Variants in CALN1 observed in about 807,000 individuals in gnomAD.
The protein encoded by CALN1 is calneuron 1, also known as calcium-binding protein 8.
A neutral mutation model predicts 30.6 loss-of-function variants in CALN1; 17 were observed. The ratio of observed to expected loss-of-function variants is 0.56; its 90% CI spans 0.38 to 0.83. The LOEUF (loss-of-function observed/expected upper bound fraction) is 0.83, where lower values mean the gene tolerates loss of function less well. Ranked by LOEUF, CALN1 falls within the 40% of genes least tolerant of loss-of-function variation. CALN1 has a pLI of 0.00. For synonymous variants in CALN1, 156 were observed against 131.4 expected, an observed-to-expected ratio of 1.19 and a Z score of -1.28; for missense variants, 291 against 354.9, an observed-to-expected ratio of 0.82 and a Z score of 1.45.
chr7:71,948,344 A>G (rs551522931), intron 5 of CALN1, among the ~76,000 whole-genome samples: 2 of 152,248 alleles, frequency 1.3e-5, no homozygotes, highest in African/African-American at 4.8e-5. Context: ...GGGTCTTCCA[A>G]ATGCTCAGTT....
intron 5 of CALN1, among the ~76,000 whole-genome samples, chr7:71,976,004 T>C (rs988084976): frequency 9.2e-5 from 14 of 151,352 alleles, no homozygotes; most frequent in Non-Finnish European, 1.3e-4. Context: ...AAATTTGAGA[T>C]CTCGAGTACA....
At chr7:72,261,066 G>A (rs377211420) in intron 3 of CALN1, among the ~76,000 whole-genome samples, 3 of 152,328 alleles carry the variant, frequency 2.0e-5, no homozygotes, top group East Asian at 3.9e-4. Flanking sequence ...CCAGCACTTT[G>A]AGAGGCCGAG....
chr7:72,333,164 G>C (rs117175143), intron 2 of CALN1, among the ~76,000 whole-genome samples: 1 of 152,030 alleles, frequency 6.6e-6, no homozygotes, highest in African/African-American at 2.4e-5. Context: ...AGCTAACCAC[G>C]TCCTAATCAT....
At chr7:71,953,885 A>G (rs1210351711) in intron 5 of CALN1, among the ~76,000 whole-genome samples, 2 of 152,200 alleles carry the variant, frequency 1.3e-5, no homozygotes, top group Middle Eastern at 3.4e-3. Flanking sequence ...AAATGTCTTC[A>G]TAGACAGGGA....
At chr7:72,044,079 C>A (rs534775218) in intron 4 of CALN1, among the ~76,000 whole-genome samples, 3 of 152,076 alleles carry the variant, frequency 2.0e-5, no homozygotes, top group Admixed American at 1.3e-4. Flanking sequence ...CCTCCCACAA[C>A]ACGCGGGAAT....
In CALN1 at chr7:72,391,536, A is replaced by G. The variant is rs142010770; in HGVS notation, c.119+11715T>C. ...CCTGATATAATTTGGCTATGTCCCC[A>G]CCCAAATCTCATCTTGAATTGTAGC... is the stretch of plus-strand genomic sequence containing the variant. On this transcript the variant is annotated intron_variant, in intron 2 of 6. Coordinates refer to ENST00000395275, the MANE Select transcript of CALN1 (RefSeq NM_031468.4). Among the ~76,000 whole-genome samples, 120 of 152,240 alleles carry G rather than the reference A, an allele frequency of 7.9e-4. 1 individual carries two copies. In the East Asian group the frequency reaches 0.022, roughly 28 times the overall value.
chr7:72,171,049 C>T lies in CALN1; in HGVS notation c.245-64755G>A, dbSNP rs142583775. On this transcript the variant is annotated intron_variant, in intron 3 of 6. Transcript: ENST00000395275. ...GTGTATGCCTATAGTCCCAACCACTCGGGGGGCTGAGGTGGGAGGATAGCT... is the reference window on the plus strand; with the variant it reads ...GTGTATGCCTATAGTCCCAACCACTTGGGGGGCTGAGGTGGGAGGATAGCT... Among the ~76,000 whole-genome samples the T allele has an allele frequency of 4.6e-3, 701 of 152,088 alleles. 7 individuals are homozygous for T. Among genetic ancestry groups the T allele is most frequent in the Non-Finnish European group, 7.8e-3 (531 of 67,974 alleles).
chr7:72,405,407 T>C (rs1446273818), intron 1 of CALN1, among the ~76,000 whole-genome samples: 14 of 152,160 alleles, frequency 9.2e-5, no homozygotes, highest in African/African-American at 3.4e-4. Flanking sequence ...TCAGGAAACT[T>C]AACAATTATG....
intron 2 of CALN1, among the ~76,000 whole-genome samples, chr7:72,370,956 G>A (rs1001158944): frequency 4.0e-5 from 6 of 149,510 alleles, no homozygotes; most frequent in Admixed American, 2.7e-4. Flanking sequence ...GCTGAGGCAT[G>A]AGAATCACTT....
chr7:72,280,624 C>T (rs1438913934), intron 2 of CALN1, among the ~76,000 whole-genome samples: 1 of 152,142 alleles, frequency 6.6e-6, no homozygotes, highest in East Asian at 1.9e-4. Flanking sequence ...TTCCTTAAGG[C>T]CAATCCTGAT....
chr7:71,923,814 C>T (rs1050740950), intron 5 of CALN1, among the ~76,000 whole-genome samples: 2 of 152,082 alleles, frequency 1.3e-5, no homozygotes, highest in Non-Finnish European at 2.9e-5. Flanking sequence ...CTCCCTGTGG[C>T]CCCCACTAAC....
the CALN1 span, among the ~76,000 whole-genome samples, chr7:72,458,057 A>G: frequency 6.8e-6 from 1 of 147,622 alleles, no homozygotes; most frequent in Non-Finnish European, 1.5e-5. Context: ...GCACCCAGCC[A>G]CCTTCCTATT....
At chr7:72,170,641 G>A (rs2129545413) in intron 3 of CALN1, among the ~76,000 whole-genome samples, 1 of 152,218 alleles carries the variant, frequency 6.6e-6, no homozygotes, top group East Asian at 1.9e-4. Context: ...TCCAAGATGG[G>A]GTTCCTGAGT....
intron 5 of CALN1, among the ~76,000 whole-genome samples, chr7:71,969,699 A>G (rs1228507493): frequency 6.6e-6 from 1 of 152,196 alleles, no homozygotes; most frequent in Admixed American, 6.5e-5. Flanking sequence ...AGAGAAAGAG[A>G]GACAGTGAAA....
At chr7:71,830,433 T>A (rs2116406785) in intron 5 of CALN1, among the ~76,000 whole-genome samples, 1 of 152,252 alleles carries the variant, frequency 6.6e-6, no homozygotes, top group African/African-American at 2.4e-5. Flanking sequence ...CTGCAACCTC[T>A]GCCGCCCAGG....
intron 4 of CALN1, among the ~76,000 whole-genome samples, chr7:72,072,083 A>C (rs1014092648): frequency 3.9e-5 from 6 of 152,208 alleles, no homozygotes; most frequent in African/African-American, 1.4e-4. Flanking sequence ...CCTGAGAAAG[A>C]GAAAAGGGTA....
At chr7:72,243,083 C>A (rs973232338) in intron 3 of CALN1, among the ~76,000 whole-genome samples, 2 of 152,020 alleles carry the variant, frequency 1.3e-5, no homozygotes, top group Non-Finnish European at 2.9e-5. Flanking sequence ...ATGCTTGAAG[C>A]CTTAATTCCC....
At chr7:72,353,389 AGTTTTTT>A (rs1803048236) in intron 2 of CALN1, among the ~76,000 whole-genome samples, 1 of 152,204 alleles carries the variant, frequency 6.6e-6, no homozygotes, top group African/African-American at 2.4e-5. Context: ...GACAAGGTGG[AGTTTTTT>A]TAAGTCATAC....
chr7:72,084,219 A>G (rs922952379), intron 4 of CALN1, among the ~76,000 whole-genome samples: 5 of 152,078 alleles, frequency 3.3e-5, no homozygotes, highest in South Asian at 2.1e-4. Flanking sequence ...AAAAAGCAAA[A>G]CAAAACAAAA....
Sources: gnomAD v4.1 joint callset for allele counts (sites outside exome capture counted in the v4.1 genomes callset) on GRCh38, gnomAD v4.1.1 for gene constraint, MANE v1.5 for transcripts, NCBI Gene and HGNC (gene_info 2026-07-23, HGNC 2026-07-21) for gene names.